Variants in FLYWCH2 observed in about 807,000 individuals in gnomAD.
FLYWCH2 encodes the protein FLYWCH family member 2.
In FLYWCH2, 2 loss-of-function variants were observed where a neutral mutation model predicts 6.0. The observed-to-expected ratio is 0.33, with a 90% CI of 0.14 to 1.04. FLYWCH2 has a LOEUF of 1.04. Among genes scored for constraint, FLYWCH2 ranks in the 50% least tolerant of loss-of-function variants. The probability of loss-of-function intolerance (pLI) is 0.45; values close to 1 mark genes in which losing one functional copy is unlikely to be tolerated. For synonymous variants in FLYWCH2, 87 were observed against 79.3 expected (o/e 1.10, Z -0.52); for missense variants, 192 against 183.4 (o/e 1.05, Z -0.27).
rs994546757 is a variant in FLYWCH2, at chr16:2,898,773, C to T, written c.323-276C>T. 4 of 334,640 alleles carry T rather than the reference C, an allele frequency of 1.2e-5. No homozygotes were observed. The South Asian group carries it at 3.1e-4, about 26-fold the overall frequency. 20.7% of individuals were successfully genotyped at this position (334,640 alleles called of 1,614,324 possible). On this transcript the variant is annotated intron_variant, in intron 3 of 3. Coordinates refer to ENST00000396958, the MANE Select transcript of FLYWCH2 (RefSeq NM_138439.3). ...CTCCTCCATCCTTCCATCCCCACCCCAGGTCCAGCAGAGGCGATGGCTGCG... is the reference window on the plus strand; with the variant it reads ...CTCCTCCATCCTTCCATCCCCACCCTAGGTCCAGCAGAGGCGATGGCTGCG...
intron 3 of FLYWCH2, 135 bp from the exon 4 acceptor site, chr16:2,898,914 T>G: frequency 1.7e-6 from 1 of 592,184 alleles, no homozygotes; most frequent in Non-Finnish European, 2.8e-6. Context: ...CAGTCACTTC[T>G]CAGTCAGGCA....
intron 1 of FLYWCH2, among the ~76,000 whole-genome samples, chr16:2,889,502 G>A (rs899940980): frequency 4.0e-5 from 6 of 151,018 alleles, no homozygotes; most frequent in African/African-American, 1.5e-4. Context: ...GAGCCACTGC[G>A]CCCGGCCAAC....
In FLYWCH2 at chr16:2,896,461, C is replaced by T. The variant is rs139107292; in HGVS notation, c.12C>T (p.Pro4=). MPL[P]EPSEQEGESV... Reference sequence around the variant, plus strand: ...CCCTGGGTCCCGGGATGCCCCTGCCCGAGCCCAGCGAGCAGGAGGGTGAGA... The same window carrying T: ...CCCTGGGTCCCGGGATGCCCCTGCCTGAGCCCAGCGAGCAGGAGGGTGAGA... Residue 4 remains proline, a synonymous_variant, in exon 3 of 4, where the codon CCC becomes CCT. Coordinates refer to ENST00000396958, the MANE Select transcript of FLYWCH2 (RefSeq NM_138439.3). 34 of 1,611,950 alleles carry T rather than the reference C, an allele frequency of 2.1e-5. No homozygotes were observed. The highest frequency in any genetic ancestry group is 1.7e-4 in the Middle Eastern group (1 of 6,040).
chr16:2,888,041 C>T (rs1417374529), intron 1 of FLYWCH2, among the ~76,000 whole-genome samples: 1 of 151,930 alleles, frequency 6.6e-6, no homozygotes, highest in Non-Finnish European at 1.5e-5. Flanking sequence ...TGGAGTCTCG[C>T]TCTGTTGCCC....
intron 1 of FLYWCH2, among the ~76,000 whole-genome samples, chr16:2,889,650 C>T (rs552930489): frequency 1.3e-5 from 2 of 151,912 alleles, no homozygotes; most frequent in Admixed American, 6.6e-5. Flanking sequence ...CAGCTAGCTA[C>T]TTACCTTTAA....
At chr16:2,892,415 C>G (rs8044101) in intron 1 of FLYWCH2, among the ~76,000 whole-genome samples, 75,706 of 151,146 alleles carry the variant, frequency 0.5, 19,361 homozygotes, top group Non-Finnish European at 0.55. Context: ...AGAATATCTT[C>G]AACCCAGGAG....
Position 2,886,546 on chromosome 16 carries a change from G to A in FLYWCH2, c.-200+3180G>A, listed in dbSNP as rs1201031313. Among the ~76,000 whole-genome samples, 8 of 98,498 alleles carry A rather than the reference G, an allele frequency of 8.1e-5. No homozygotes were observed. The Admixed American group carries it at 9.4e-4, about 12-fold the overall frequency. The allele number at this position is 98,498 out of a possible 152,430, so 64.6% of individuals were successfully genotyped here. On this transcript the variant is annotated intron_variant, in intron 1 of 3. Transcript: ENST00000396958. ...TTTTTTTTTTTTTTTTTTTGAGGCG[G>A]ATTTTGCTCTTGTTGTCCCGGCTGG... is the stretch of plus-strand genomic sequence containing the variant.
At chr16:2,894,698 C>G (rs1044020724) in intron 1 of FLYWCH2, among the ~76,000 whole-genome samples, 1 of 152,230 alleles carries the variant, frequency 6.6e-6, no homozygotes, top group Non-Finnish European at 1.5e-5. Flanking sequence ...AGTGCCCACC[C>G]CCTCGAGAAG....
At position 2,897,122 on chromosome 16, in the gene FLYWCH2, G is replaced by C. The variant is rs78070081; in HGVS notation, c.322+351G>C. On this transcript the variant is annotated intron_variant, in intron 3 of 3. Transcript: ENST00000396958. Reference sequence around the variant, plus strand: ...CTGTTCGATGAGGGTCTCTAAGACCGGGGGCTTGATGGGTCACCTTTCCAT... The same window carrying C: ...CTGTTCGATGAGGGTCTCTAAGACCCGGGGCTTGATGGGTCACCTTTCCAT... 2.0e-5 allele frequency among the ~76,000 whole-genome samples: 3 copies of C among 152,166 alleles called. No homozygotes were observed. In the East Asian group the frequency reaches 5.8e-4, roughly 29 times the overall value.
intron 1 of FLYWCH2, among the ~76,000 whole-genome samples, chr16:2,888,556 A>G (rs1260890472): frequency 1.3e-5 from 2 of 151,176 alleles, no homozygotes; most frequent in African/African-American, 2.4e-5. Flanking sequence ...TGTCATCTTA[A>G]CAATATCAAG....
At chr16:2,887,220 A>G (rs1185635984) in intron 1 of FLYWCH2, among the ~76,000 whole-genome samples, 2 of 151,840 alleles carry the variant, frequency 1.3e-5, no homozygotes, top group African/African-American at 4.8e-5. Context: ...ATCTCGGCTC[A>G]CTGCAACCTC....
intron 1 of FLYWCH2, among the ~76,000 whole-genome samples, chr16:2,887,291 G>A (rs1337497450): frequency 1.3e-5 from 2 of 148,232 alleles, no homozygotes; most frequent in African/African-American, 2.5e-5. Context: ...GACCACGGGT[G>A]CACACCACCA....
At chr16:2,897,827 C>T (rs2069840563) in intron 3 of FLYWCH2, among the ~76,000 whole-genome samples, 1 of 152,124 alleles carries the variant, frequency 6.6e-6, no homozygotes, top group Non-Finnish European at 1.5e-5. Flanking sequence ...CTGGAAGTTC[C>T]AGGGAGATGG....
At chr16:2,895,907 C>G (rs1212318006) in intron 2 of FLYWCH2, among the ~76,000 whole-genome samples, 1 of 152,236 alleles carries the variant, frequency 6.6e-6, no homozygotes, top group Non-Finnish European at 1.5e-5. Context: ...CTCTGCCACT[C>G]TGTGGCCGTG....
intron 1 of FLYWCH2, among the ~76,000 whole-genome samples, chr16:2,885,761 T>C (rs1373250878): frequency 6.6e-6 from 1 of 152,224 alleles, no homozygotes; most frequent in Admixed American, 6.5e-5. Context: ...TCGAAACGTT[T>C]TGGCTTTCAT....
At chr16:2,885,903 C>T (rs931095814) in intron 1 of FLYWCH2, among the ~76,000 whole-genome samples, 3 of 152,132 alleles carry the variant, frequency 2.0e-5, no homozygotes, top group African/African-American at 7.2e-5. Flanking sequence ...TGAGGAACTG[C>T]CAGGCTGGTT....
At chr16:2,883,841 G>T (rs751522622) in intron 1 of FLYWCH2, among the ~76,000 whole-genome samples, 2 of 152,242 alleles carry the variant, frequency 1.3e-5, no homozygotes, top group African/African-American at 2.4e-5. Context: ...CCCAGCCCGC[G>T]TTTGATGCCA....
In FLYWCH2 at chr16:2,890,825, C is replaced by G. The variant is rs373301531; in HGVS notation, c.-199-4395C>G. Among the ~76,000 whole-genome samples the G allele has an allele frequency of 8.5e-5, 13 of 152,264 alleles. No individual in the cohort carries two copies. The South Asian group carries it at 1.9e-3, about 22-fold the overall frequency. On this transcript the variant is annotated intron_variant, in intron 1 of 3. Coordinates refer to ENST00000396958, the MANE Select transcript of FLYWCH2 (RefSeq NM_138439.3). ...AAAGTAATCCACCCACCTCAACCCC[C>G]CAGAGTTCTGGAATTACAAACGTCA... is the stretch of plus-strand genomic sequence containing the variant.
At chr16:2,891,085 T>C (rs2069751955) in intron 1 of FLYWCH2, among the ~76,000 whole-genome samples, 1 of 152,220 alleles carries the variant, frequency 6.6e-6, no homozygotes, top group African/African-American at 2.4e-5. Flanking sequence ...GACCACTGGC[T>C]TCCAAGGCAG....
Sources: gnomAD v4.1 joint callset for allele counts (sites outside exome capture counted in the v4.1 genomes callset) on GRCh38, gnomAD v4.1.1 for gene constraint, MANE v1.5 for transcripts, NCBI Gene and HGNC (gene_info 2026-07-23, HGNC 2026-07-21) for gene names.